The following IL16 variants were observed in gnomAD, a reference collection of about 807,000 sequenced individuals.
The protein encoded by IL16 is interleukin 16.
Under a neutral mutation model 110.1 loss-of-function variants are expected in IL16, and 67 were observed. The ratio of observed to expected loss-of-function variants is 0.61; its 90% confidence interval spans 0.50 to 0.75. The LOEUF is 0.75. Among genes scored for constraint, IL16 ranks in the 30% least tolerant of loss-of-function variants. IL16 has a pLI of 0.00. For synonymous variants in IL16, 689 were observed against 662.9 expected (o/e 1.04, Z -0.61); for missense variants, 1,545 against 1,655.0 (o/e 0.93, Z 1.15).
chr15:81,207,258 AAAAC>A (rs1896062653), intron 1 of IL16, among the ~76,000 whole-genome samples: 1 of 151,134 alleles, frequency 6.6e-6, no homozygotes, highest in Non-Finnish European at 1.5e-5. Context: ...AAAAAAAAAA[AAAAC>A]AAAAAAAAGA....
At chr15:81,257,221 T>C (rs985834155) in intron 2 of IL16, among the ~76,000 whole-genome samples, 7 of 152,222 alleles carry the variant, frequency 4.6e-5, no homozygotes, top group African/African-American at 1.4e-4. Flanking sequence ...GTTTTAAACA[T>C]TGACTTGTTT....
chr15:81,290,641 A>G, intron 11 of IL16, 101 bp downstream of exon 11: 2 of 745,054 alleles, frequency 2.7e-6, no homozygotes, highest in East Asian at 2.8e-5. Flanking sequence ...TAGTAACAGC[A>G]TTTACCATAG....
At chr15:81,284,723 C>A (rs948234168) in intron 9 of IL16, among the ~76,000 whole-genome samples, 1 of 152,148 alleles carries the variant, frequency 6.6e-6, no homozygotes, top group Non-Finnish European at 1.5e-5. Flanking sequence ...CCAACTAGGC[C>A]AGGGGTCTGC....
At chr15:81,267,965 C>T (rs1898465688) in intron 4 of IL16, among the ~76,000 whole-genome samples, 1 of 152,208 alleles carries the variant, frequency 6.6e-6, no homozygotes. Context: ...TATATGGGCA[C>T]CCATGTGGCC....
At chr15:81,226,868 T>C (rs1327591760) in intron 2 of IL16, among the ~76,000 whole-genome samples, 1 of 152,190 alleles carries the variant, frequency 6.6e-6, no homozygotes, top group African/African-American at 2.4e-5. Flanking sequence ...TCAAATTTAT[T>C]AGTGACATTA....
chr15:81,269,741 C>T (rs1346609862), intron 5 of IL16, 93 bp downstream of exon 5: 3 of 839,508 alleles, frequency 3.6e-6, no homozygotes, highest in Non-Finnish European at 6.1e-6. Flanking sequence ...AATAGGACTA[C>T]TGGGGTGTCC....
intron 2 of IL16, among the ~76,000 whole-genome samples, chr15:81,227,920 G>A (rs1034520339): frequency 6.6e-6 from 1 of 152,082 alleles, no homozygotes; most frequent in African/African-American, 2.4e-5. Flanking sequence ...TGAGCACCTG[G>A]GGGTAGAAGT....
chr15:81,225,196 T>G, intron 1 of IL16, 103 bp from the exon 2 acceptor site: 1 of 924,920 alleles, frequency 1.1e-6, no homozygotes. Context: ...TCTGTCCTGC[T>G]TCACGGGCAC....
At chr15:81,233,371 G>GAT (rs1897074432) in intron 2 of IL16, among the ~76,000 whole-genome samples, 1 of 151,914 alleles carries the variant, frequency 6.6e-6, no homozygotes, top group South Asian at 2.1e-4. Context: ...ATGTGCGTGT[G>GAT]TGTATACTTG....
intron 4 of IL16, among the ~76,000 whole-genome samples, chr15:81,268,191 C>T (rs896096817): frequency 2.0e-5 from 3 of 152,206 alleles, no homozygotes; most frequent in African/African-American, 7.2e-5. Context: ...GAGAGAGCGG[C>T]CCATCAGGTG....
chr15:81,216,155 A>G (rs1896422727), intron 1 of IL16, among the ~76,000 whole-genome samples: 2 of 152,294 alleles, frequency 1.3e-5, no homozygotes, highest in South Asian at 4.1e-4. Flanking sequence ...CTGGGGGATG[A>G]CCATCTGTGG....
intron 2 of IL16, among the ~76,000 whole-genome samples, chr15:81,231,320 G>GTCTCTCTCTCTC (rs1304721258): frequency 2.0e-5 from 1 of 50,926 alleles, no homozygotes; most frequent in Non-Finnish European, 4.8e-5. Context: ...CCCAAGGTCG[G>GTCTCTCTCTCTC]TCTGTCTCTC....
At chr15:81,247,791 G>A (rs1813807630) in intron 2 of IL16, among the ~76,000 whole-genome samples, 1 of 152,056 alleles carries the variant, frequency 6.6e-6, no homozygotes, top group Non-Finnish European at 1.5e-5. Flanking sequence ...TTAACCTCTA[G>A]CAGCAACTCA....
At chr15:81,290,639 G>C in intron 11 of IL16, 99 bp downstream of exon 11, 1 of 757,008 alleles carries the variant, frequency 1.3e-6, no homozygotes, top group Non-Finnish European at 2.2e-6. Flanking sequence ...AATAGTAACA[G>C]CATTTACCAT....
rs140688394 is a variant in IL16, at chr15:81,281,592, T to C, written c.1082-1047T>C. Reference sequence around the variant, plus strand: ...CTTGCCTGTGAAGCCACCTGAAGTATCCATTCCTCACTTTCCAGCACATTG... The same window carrying C: ...CTTGCCTGTGAAGCCACCTGAAGTACCCATTCCTCACTTTCCAGCACATTG... On this transcript the variant is annotated intron_variant, in intron 8 of 18. Transcript: ENST00000683961. Among the ~76,000 whole-genome samples the C allele has an allele frequency of 3.5e-3, 534 of 152,348 alleles. 3 individuals carry two copies. Among genetic ancestry groups the C allele is most frequent in the African/African-American group, 0.012 (487 of 41,584 alleles).
At position 81,300,513 on chromosome 15, in the gene IL16, C is replaced by T. The variant is rs764389886; in HGVS notation, c.3149+38C>T. On this transcript the variant is annotated intron_variant, in intron 14 of 18. Transcript: ENST00000683961. Reference sequence around the variant, plus strand: ...ACCCGGTGTTTCTCTTTACCTTTCTCATCTTTTTCTTTCTCATCTTTATTT... The same window carrying T: ...ACCCGGTGTTTCTCTTTACCTTTCTTATCTTTTTCTTTCTCATCTTTATTT... 7.5e-6 allele frequency: 10 copies of T among 1,335,708 alleles called. No homozygotes were observed. The East Asian group carries it at 1.6e-4, about 22-fold the overall frequency. 82.7% of individuals were successfully genotyped at this position (1,335,708 alleles called of 1,614,324 possible).
intron 6 of IL16, 64 bp downstream of exon 6, chr15:81,273,268 G>A: frequency 8.1e-7 from 1 of 1,229,444 alleles, no homozygotes; most frequent in African/African-American, 1.5e-5. Flanking sequence ...AGAATTGCTG[G>A]GGCCATAGAA....
intron 1 of IL16, among the ~76,000 whole-genome samples, chr15:81,199,070 AT>A (rs1419123993): frequency 2.7e-5 from 4 of 145,962 alleles, no homozygotes; most frequent in Non-Finnish European, 3.0e-5. Flanking sequence ...TAAAATACAT[AT>A]TTTTTATTGT....
At chr15:81,210,766 T>TAGACTC (rs1425716087) in intron 1 of IL16, among the ~76,000 whole-genome samples, 4 of 152,230 alleles carry the variant, frequency 2.6e-5, no homozygotes, top group African/African-American at 9.6e-5. Flanking sequence ...GTTTTCTAAG[T>TAGACTC]ATAGATTCAT....
Sources: gnomAD v4.1 joint callset for allele counts (sites outside exome capture counted in the v4.1 genomes callset) on GRCh38, gnomAD v4.1.1 for gene constraint, MANE v1.5 for transcripts, NCBI Gene and HGNC (gene_info 2026-07-23, HGNC 2026-07-21) for gene names.